The following KICS2 variants were observed in gnomAD, a reference collection of about 807,000 sequenced individuals.
KICS2 encodes KICSTOR complex protein C12orf66.
In KICS2, 13 loss-of-function variants were observed where a neutral mutation model predicts 31.4. The ratio of observed to expected loss-of-function variants is 0.41; its 90% CI spans 0.27 to 0.66. The LOEUF (loss-of-function observed/expected upper bound fraction) is 0.66. Among genes scored for constraint, KICS2 ranks in the 30% least tolerant of loss-of-function variants. The pLI is 0.28. For synonymous variants in KICS2, 209 were observed against 214.8 expected, an observed-to-expected ratio of 0.97 and a Z score of 0.24; for missense variants, 455 against 545.4, an observed-to-expected ratio of 0.83 and a Z score of 1.65.
chr12:64,186,459 G>A (rs1289308634), downstream of KICS2: 3 of 152,072 alleles, frequency 2.0e-5, no homozygotes, highest in African/African-American at 2.4e-5. Context: ...GTTACAAAGC[G>A]TGTTAAAGTA....
chr12:64,208,560 T>G (rs1164690786), intron 2 of KICS2, among the ~76,000 whole-genome samples: 1 of 152,212 alleles, frequency 6.6e-6, no homozygotes, highest in Non-Finnish European at 1.5e-5. Flanking sequence ...CACATGCAAC[T>G]AACAAAATGT....
chr12:64,221,876 C>A, intron 1 of KICS2, 127 bp downstream of exon 1: 1 of 1,057,436 alleles, frequency 9.5e-7, no homozygotes, highest in South Asian at 1.6e-5. Context: ...GGGAGGAGAT[C>A]TGGGAATGCC....
chr12:64,220,417 A>T (rs746336800), intron 1 of KICS2, among the ~76,000 whole-genome samples: 13 of 152,192 alleles, frequency 8.5e-5, no homozygotes, highest in Admixed American at 2.0e-4. Context: ...AAATGGAGTC[A>T]ATAAATAGAC....
intron 2 of KICS2, among the ~76,000 whole-genome samples, chr12:64,197,172 A>C (rs2037448351): frequency 7.4e-6 from 1 of 134,258 alleles, no homozygotes; most frequent in Non-Finnish European, 1.6e-5. Context: ...GTTGAAATGA[A>C]GGAAAAAATG....
chr12:64,203,073 A>T (rs906785792), intron 2 of KICS2, among the ~76,000 whole-genome samples: 1 of 152,128 alleles, frequency 6.6e-6, no homozygotes, highest in African/African-American at 2.4e-5. Context: ...ATTTCTCAGG[A>T]AAACAGACAT....
chr12:64,217,471 A>G (rs533230083), intron 1 of KICS2, among the ~76,000 whole-genome samples: 1 of 149,440 alleles, frequency 6.7e-6, no homozygotes, highest in African/African-American at 2.4e-5. Context: ...CTGATGAGGA[A>G]AAAAAAAAAA....
At chr12:64,204,219 G>A (rs1180665569) in intron 2 of KICS2, among the ~76,000 whole-genome samples, 2 of 152,188 alleles carry the variant, frequency 1.3e-5, no homozygotes, top group South Asian at 2.1e-4. Context: ...CCTGTTGGAG[G>A]TGCCAGGGAG....
At chr12:64,206,466 A>G (rs534459955) in intron 2 of KICS2, among the ~76,000 whole-genome samples, 27 of 152,340 alleles carry the variant, frequency 1.8e-4, no homozygotes, top group African/African-American at 6.0e-4. Flanking sequence ...CCATGGCAGA[A>G]GGAGGTATTT....
At chr12:64,209,993 A>C (rs1293516380) in intron 2 of KICS2, among the ~76,000 whole-genome samples, 1 of 152,246 alleles carries the variant, frequency 6.6e-6, no homozygotes, top group Non-Finnish European at 1.5e-5. Flanking sequence ...GAAACCATAA[A>C]GGAGAAATGT....
intron 2 of KICS2, among the ~76,000 whole-genome samples, chr12:64,195,647 C>A (rs567952780): frequency 6.6e-6 from 1 of 152,362 alleles, no homozygotes; most frequent in South Asian, 2.1e-4. Context: ...CCAGCATGAG[C>A]AACGCAGAAG....
At chr12:64,205,358 A>C (rs922302515) in intron 2 of KICS2, among the ~76,000 whole-genome samples, 8 of 152,212 alleles carry the variant, frequency 5.3e-5, no homozygotes, top group African/African-American at 1.9e-4. Flanking sequence ...AGAAGAGCTA[A>C]AAATTCATGT....
At chr12:64,188,788 T>C (rs564739725), downstream of KICS2, among the ~76,000 whole-genome samples, 2 of 152,318 alleles carry the variant, frequency 1.3e-5, no homozygotes, top group South Asian at 4.1e-4. Flanking sequence ...TATAAATTCA[T>C]ATACATTTCT....
chr12:64,203,743 A>T (rs1348380080), intron 2 of KICS2, among the ~76,000 whole-genome samples: 1 of 152,248 alleles, frequency 6.6e-6, no homozygotes, highest in Non-Finnish European at 1.5e-5. Flanking sequence ...TATGGTTAAG[A>T]GAGTCCACAC....
At chr12:64,216,594 G>A (rs1283166540) in intron 1 of KICS2, among the ~76,000 whole-genome samples, 5 of 152,112 alleles carry the variant, frequency 3.3e-5, no homozygotes, top group Admixed American at 2.0e-4. Context: ...TAGCACTCTT[G>A]ACAAGGTTGA....
intron 2 of KICS2, among the ~76,000 whole-genome samples, chr12:64,211,409 A>G (rs2037581224): frequency 6.6e-6 from 1 of 152,202 alleles, no homozygotes; most frequent in African/African-American, 2.4e-5. Context: ...TGAGGTCAGG[A>G]GTTCAAGACC....
intron 2 of KICS2, among the ~76,000 whole-genome samples, chr12:64,201,063 T>C (rs1317061188): frequency 4.8e-5 from 6 of 125,070 alleles, no homozygotes; most frequent in African/African-American, 1.6e-4. Flanking sequence ...CTCAGGGATC[T>C]AGAACTAGAA....
chr12:64,194,912 G>A (rs900423417), intron 2 of KICS2, among the ~76,000 whole-genome samples: 2 of 151,030 alleles, frequency 1.3e-5, no homozygotes, highest in African/African-American at 2.4e-5. Context: ...TTCAACAACA[G>A]GAATACCAAA....
At chr12:64,210,844 G>A (rs951578936) in intron 2 of KICS2, among the ~76,000 whole-genome samples, 3 of 152,020 alleles carry the variant, frequency 2.0e-5, no homozygotes, top group Non-Finnish European at 1.5e-5. Context: ...TCAGTCCCAG[G>A]AGACACACAC....
Position 64,193,733 on chromosome 12 carries a change from T to C in KICS2, c.*109A>G. The C allele has an allele frequency of 6.9e-7, 1 of 1,451,886 alleles. No individual in the cohort carries two copies. The highest frequency in any genetic ancestry group is 9.0e-7 in the Non-Finnish European group (1 of 1,105,508). The allele number at this position is 1,451,886 out of a possible 1,614,324, so 89.9% of individuals were successfully genotyped here. ...CAGGGAGGATTTGTCTTTAATTTAG[T>C]TCTGAAAGAGGCATGAATGGATGTA... On this transcript the variant is annotated 3_prime_UTR_variant, in exon 3 of 3. Transcript: ENST00000398055.
Sources: gnomAD v4.1 joint callset for allele counts (sites outside exome capture counted in the v4.1 genomes callset) on GRCh38, gnomAD v4.1.1 for gene constraint, MANE v1.5 for transcripts, NCBI Gene and HGNC (gene_info 2026-07-23, HGNC 2026-07-21) for gene names.